Variants in NCKAP5 observed in about 807,000 individuals in gnomAD.
The protein encoded by NCKAP5 is NCK associated protein 5.
In NCKAP5, 92 loss-of-function variants were observed where a neutral mutation model predicts 167.0. The observed-to-expected ratio is 0.55, with a 90% confidence interval of 0.47 to 0.66. The LOEUF (loss-of-function observed/expected upper bound fraction) is 0.66, where lower values mean the gene tolerates loss of function less well. Ranked by LOEUF, NCKAP5 falls within the 30% of genes least tolerant of loss-of-function variation. The probability of loss-of-function intolerance (pLI) is 0.00; values close to 1 mark genes in which losing one functional copy is unlikely to be tolerated. For missense variants in NCKAP5, 2,378 were observed against 2,315.0 expected, an observed-to-expected ratio of 1.03 and a Z score of -0.56; for synonymous variants, 891 against 877.4, an observed-to-expected ratio of 1.02 and a Z score of -0.27.
rs5834363 is a variant in NCKAP5 at position 133,523,105 on chromosome 2, C to CTT, written c.-61-5520_-61-5519dup. On this transcript the variant is annotated intron_variant, in intron 2 of 19. Transcript: ENST00000409261. ...GAAATCTAAGTTGGCCTTAATAACT[C>CTT]TTTTTTTTTTTTCAATTTTTTCTCA... 1.1e-3 allele frequency among the ~76,000 whole-genome samples: 157 copies of CTT among 147,382 alleles called. 1 individual carries two copies. The highest frequency in any genetic ancestry group is 3.0e-3 in the South Asian group (14 of 4,656).
At chr2:133,473,707 A>G (rs1386937703) in intron 3 of NCKAP5, among the ~76,000 whole-genome samples, 1 of 152,172 alleles carries the variant, frequency 6.6e-6, no homozygotes, top group Non-Finnish European at 1.5e-5. Context: ...AAAATTACCA[A>G]CTATATGTGG....
chr2:133,467,905 T>C (rs1232074113), intron 3 of NCKAP5, among the ~76,000 whole-genome samples: 1 of 132,700 alleles, frequency 7.5e-6, no homozygotes, highest in Admixed American at 7.8e-5. Context: ...CTCTCTTTTC[T>C]TCTTTATTAG....
chr2:133,231,384 T>C (rs1374354320), intron 4 of NCKAP5, among the ~76,000 whole-genome samples: 1 of 152,168 alleles, frequency 6.6e-6, no homozygotes, highest in South Asian at 2.1e-4. Flanking sequence ...ACCTAACATC[T>C]TACTGGGTTT....
intron 9 of NCKAP5, among the ~76,000 whole-genome samples, chr2:132,877,490 G>A (rs915002417): frequency 2.0e-5 from 3 of 152,124 alleles, no homozygotes; most frequent in Non-Finnish European, 4.4e-5. Flanking sequence ...CACATAGGTC[G>A]CTGAGCCCTA....
chr2:132,958,999 G>A (rs1051879620), intron 8 of NCKAP5, among the ~76,000 whole-genome samples: 34 of 148,838 alleles, frequency 2.3e-4, no homozygotes, highest in African/African-American at 7.1e-4. Flanking sequence ...CAAAGAACAC[G>A]TTTGGCCCAT....
At chr2:133,241,635 C>G (rs1475617022) in intron 4 of NCKAP5, among the ~76,000 whole-genome samples, 1 of 152,092 alleles carries the variant, frequency 6.6e-6, no homozygotes, top group African/African-American at 2.4e-5. Context: ...CATTTCCTCT[C>G]CTCTTCTATT....
intron 5 of NCKAP5, among the ~76,000 whole-genome samples, chr2:133,199,534 T>A (rs760804248): frequency 6.6e-6 from 1 of 152,022 alleles, no homozygotes; most frequent in African/African-American, 2.4e-5. Flanking sequence ...TAAATACATA[T>A]CAATTACACT....
chr2:132,766,554 T>G (rs1050101262), intron 16 of NCKAP5, among the ~76,000 whole-genome samples: 1 of 152,208 alleles, frequency 6.6e-6, no homozygotes, highest in African/African-American at 2.4e-5. Flanking sequence ...AGAATTCAGA[T>G]GGTTGGATCC....
At chr2:132,977,872 C>T (rs376902890) in intron 7 of NCKAP5, among the ~76,000 whole-genome samples, 13 of 152,088 alleles carry the variant, frequency 8.5e-5, no homozygotes, top group African/African-American at 2.2e-4. Flanking sequence ...GTATACTTTT[C>T]GACATTAAAA....
In NCKAP5 at chr2:132,782,054, T is replaced by C. The variant is rs1204411518; in HGVS notation, c.4757A>G (p.Asn1586Ser). ...DNPDGGLQSK[N>S]NRRTPQDIYN... ...AATGTCTTGTGGTGTTCTCCGATTATTTTTGCTTTGTAAACCGCCATCTGG... is the reference window on the plus strand; with the variant it reads ...AATGTCTTGTGGTGTTCTCCGATTACTTTTGCTTTGTAAACCGCCATCTGG... Residue 1586 changes from asparagine to serine, a missense_variant, in exon 14 of 20, where the codon AAT becomes AGT. Around this residue, in one of 3 missense-constraint regions of NCKAP5, gnomAD observed 1,325 missense variants for 1,274.5 expected, o/e 1.04. Coordinates refer to ENST00000409261, the MANE Select transcript of NCKAP5 (RefSeq NM_207363.3). 1 of 1,614,058 alleles carries C rather than the reference T, an allele frequency of 6.2e-7. No individual in the cohort carries two copies. Among genetic ancestry groups the C allele is most frequent in the Non-Finnish European group, 8.5e-7 (1 of 1,179,882 alleles).
At chr2:133,501,370 A>C (rs1047298558) in intron 3 of NCKAP5, among the ~76,000 whole-genome samples, 2 of 152,178 alleles carry the variant, frequency 1.3e-5, no homozygotes, top group African/African-American at 4.8e-5. Context: ...AAATCTACCT[A>C]AGTGCCATTA....
At chr2:133,391,015 G>A (rs1218800616) in intron 3 of NCKAP5, 1 of 152,198 alleles carries the variant, frequency 6.6e-6, no homozygotes, top group Non-Finnish European at 1.5e-5. Flanking sequence ...GCCTCACCAT[G>A]TAGATGGAGC....
At chr2:133,106,283 A>C (rs1365919650) in intron 6 of NCKAP5, among the ~76,000 whole-genome samples, 1 of 129,366 alleles carries the variant, frequency 7.7e-6, no homozygotes, top group Admixed American at 8.4e-5. Flanking sequence ...ACAGAGCCAG[A>C]CTCCGTCTCA....
intron 6 of NCKAP5, among the ~76,000 whole-genome samples, chr2:133,064,639 C>T (rs1281965487): frequency 6.6e-6 from 1 of 152,222 alleles, no homozygotes; most frequent in East Asian, 1.9e-4. Context: ...TTTTAAATTA[C>T]TGCTCATATA....
At chr2:133,242,598 T>C (rs1040228302) in intron 4 of NCKAP5, among the ~76,000 whole-genome samples, 1 of 152,188 alleles carries the variant, frequency 6.6e-6, no homozygotes, top group African/African-American at 2.4e-5. Context: ...TAATGCAAAC[T>C]GTGGTATAGC....
chr2:133,586,876 A>G, the NCKAP5 span, among the ~76,000 whole-genome samples: 1 of 152,134 alleles, frequency 6.6e-6, no homozygotes, highest in African/African-American at 2.4e-5. Context: ...GATGAACTGG[A>G]AAGGGCATGG....
chr2:132,958,938 C>T (rs1244146998), intron 8 of NCKAP5, among the ~76,000 whole-genome samples: 1 of 151,190 alleles, frequency 6.6e-6, no homozygotes, highest in Non-Finnish European at 1.5e-5. Context: ...TATATGCTTC[C>T]TGTGTCTGCC....
intron 5 of NCKAP5, among the ~76,000 whole-genome samples, chr2:133,157,479 T>A (rs1019052551): frequency 6.6e-6 from 1 of 152,222 alleles, no homozygotes; most frequent in African/African-American, 2.4e-5. Flanking sequence ...TTAGCTAATC[T>A]TATTGAGTGT....
chr2:133,228,637 G>A (rs1181268722), intron 4 of NCKAP5, among the ~76,000 whole-genome samples: 1 of 152,140 alleles, frequency 6.6e-6, no homozygotes, highest in Non-Finnish European at 1.5e-5. Flanking sequence ...CTGTGTACAT[G>A]TTCACAAAAT....
Sources: allele counts gnomAD v4.1 joint callset (sites outside exome capture counted in the v4.1 genomes callset), GRCh38; gene constraint gnomAD v4.1.1; regional missense constraint gnomAD v4.1.1; transcripts MANE v1.5; gene names NCBI Gene and HGNC (gene_info 2026-07-23, HGNC 2026-07-21).